The following SRGAP2C variants were observed in gnomAD, a reference collection of about 807,000 sequenced individuals.
SRGAP2C encodes the protein SLIT-ROBO Rho GTPase-activating protein 2C.
A neutral mutation model predicts 25.1 loss-of-function variants in SRGAP2C; 15 were observed. The observed-to-expected ratio is 0.60, with a 90% confidence interval of 0.40 to 0.92. The LOEUF (loss-of-function observed/expected upper bound fraction) is 0.92, where lower values mean the gene tolerates loss of function less well. SRGAP2C is among the 40% of genes least tolerant of loss of function. The probability of loss-of-function intolerance (pLI) is 0.00; values close to 1 mark genes in which losing one functional copy is unlikely to be tolerated. For synonymous variants in SRGAP2C, 44 were observed against 96.6 expected (o/e 0.46, Z 3.19); for missense variants, 144 against 264.4 (o/e 0.54, Z 3.16).
Position 121,388,863 on chromosome 1 carries a change from AATGAT to A in SRGAP2C, c.*1011_*1015del, listed in dbSNP as rs1435299757. On this transcript the variant is annotated 3_prime_UTR_variant, in exon 10 of 10. Coordinates refer to ENST00000367123, the MANE Select transcript of SRGAP2C (RefSeq NM_001329984.2). ...ATCCTAGAGAAAACTGCTAAAAGGG[AATGAT>A]ATATCAGTACTATTCTTCTAAAACA... The A allele has an allele frequency of 2.0e-5, 2 of 98,862 alleles. No homozygotes were observed. The highest frequency in any genetic ancestry group is 4.0e-5 in the Non-Finnish European group (2 of 49,548). The allele number at this position is 98,862 out of a possible 1,614,324, so 6.1% of individuals were successfully genotyped here. A position where few individuals can be genotyped will look rare whatever the true frequency, so the allele number is the denominator to read the frequency against.
At chr1:121,313,489 G>A (rs1325417725) in intron 3 of SRGAP2C, among the ~76,000 whole-genome samples, 1 of 119,976 alleles carries the variant, frequency 8.3e-6, no homozygotes, top group Admixed American at 8.5e-5. Context: ...TGGTGATTTT[G>A]CTCATTAGTT....
At chr1:121,270,746 G>A (rs1250549851) in intron 2 of SRGAP2C, among the ~76,000 whole-genome samples, 9 of 141,776 alleles carry the variant, frequency 6.3e-5, no homozygotes, top group African/African-American at 2.1e-4. Flanking sequence ...TGAAACAATA[G>A]CAGATATAAT....
intron 2 of SRGAP2C, among the ~76,000 whole-genome samples, chr1:121,258,027 TG>T (rs1348487312): frequency 1.3e-5 from 2 of 151,624 alleles, no homozygotes; most frequent in Non-Finnish European, 2.9e-5. Flanking sequence ...GAAAATTGCC[TG>T]GGTTGAAAAG....
At chr1:121,263,362 C>T (rs587753939) in intron 2 of SRGAP2C, among the ~76,000 whole-genome samples, 5 of 132,674 alleles carry the variant, frequency 3.8e-5, no homozygotes, top group African/African-American at 1.1e-4. Flanking sequence ...ACCCGGGAGG[C>T]GGTGCTTGCG....
At chr1:121,345,082 AT>A (rs1558122217) in intron 4 of SRGAP2C, among the ~76,000 whole-genome samples, 1 of 50,374 alleles carries the variant, frequency 2.0e-5, no homozygotes, top group Non-Finnish European at 3.9e-5. Flanking sequence ...TCATGATTGG[AT>A]TCAGTTTAAG....
intron 2 of SRGAP2C, among the ~76,000 whole-genome samples, chr1:121,265,919 A>G (rs1341364413): frequency 4.6e-5 from 7 of 151,628 alleles, no homozygotes; most frequent in South Asian, 2.1e-4. Context: ...CTAGTTGACA[A>G]TTGGGTTTTA....
At chr1:121,339,213 C>CT (rs1364472971) in intron 4 of SRGAP2C, among the ~76,000 whole-genome samples, 18 of 143,972 alleles carry the variant, frequency 1.3e-4, no homozygotes, top group Non-Finnish European at 2.7e-4. Flanking sequence ...TGTCCCATAG[C>CT]TTTTTCATAT....
chr1:121,294,497 A>G (rs1657555483), intron 3 of SRGAP2C, among the ~76,000 whole-genome samples: 1 of 141,142 alleles, frequency 7.1e-6, no homozygotes, highest in African/African-American at 2.6e-5. Context: ...GCATAAATGT[A>G]TTCCTATTTG....
chr1:121,384,779 T>C (rs1208644849), intron 8 of SRGAP2C, among the ~76,000 whole-genome samples: 1 of 151,748 alleles, frequency 6.6e-6, no homozygotes, highest in African/African-American at 2.4e-5. Flanking sequence ...GGAGTGCAGC[T>C]GAAGTGTATT....
At chr1:121,366,808 G>A (rs1407881110) in intron 5 of SRGAP2C, among the ~76,000 whole-genome samples, 1 of 151,408 alleles carries the variant, frequency 6.6e-6, no homozygotes, top group Admixed American at 6.6e-5. Context: ...CTGTTTCTGG[G>A]GAGGGGTAGT....
chr1:121,191,150 T>C (rs1240943529), intron 2 of SRGAP2C, among the ~76,000 whole-genome samples: 1 of 151,682 alleles, frequency 6.6e-6, no homozygotes, highest in African/African-American at 2.4e-5. Flanking sequence ...CAATTTACAT[T>C]ATGCTTTCAT....
intron 3 of SRGAP2C, among the ~76,000 whole-genome samples, chr1:121,291,140 AG>A (rs1372272334): frequency 1.5e-5 from 2 of 129,752 alleles, no homozygotes; most frequent in African/African-American, 2.9e-5. Flanking sequence ...GGGAGTGGAA[AG>A]GAAGTAGGAA....
intron 3 of SRGAP2C, among the ~76,000 whole-genome samples, chr1:121,314,427 G>T (rs1423400462): frequency 6.6e-6 from 1 of 152,272 alleles, no homozygotes; most frequent in South Asian, 2.1e-4. Context: ...CTCTCAGCTC[G>T]TCAAAATCAT....
At chr1:121,357,475 TCTTC>T (rs1553347854) in intron 4 of SRGAP2C, among the ~76,000 whole-genome samples, 1 of 152,100 alleles carries the variant, frequency 6.6e-6, no homozygotes, top group Non-Finnish European at 1.5e-5. Context: ...CTTCATCATT[TCTTC>T]CTTTCTGCTA....
intron 4 of SRGAP2C, among the ~76,000 whole-genome samples, chr1:121,328,001 TG>T (rs1187251097): frequency 6.6e-6 from 1 of 152,240 alleles, no homozygotes. Flanking sequence ...GATCCTACAC[TG>T]GGGGCTTCCT....
chr1:121,357,054 A>C (rs1401338792), intron 4 of SRGAP2C, among the ~76,000 whole-genome samples: 1 of 143,230 alleles, frequency 7.0e-6, no homozygotes, highest in Admixed American at 7.0e-5. Context: ...TCAGGGACCA[A>C]AGTGAGCTTT....
At chr1:121,188,256 C>G (rs1471058367) in intron 2 of SRGAP2C, among the ~76,000 whole-genome samples, 1 of 152,204 alleles carries the variant, frequency 6.6e-6, no homozygotes, top group Non-Finnish European at 1.5e-5. Flanking sequence ...GGAAGACATG[C>G]TTTTAAAGCC....
chr1:121,358,860 G>GA (rs1345494311), intron 4 of SRGAP2C, among the ~76,000 whole-genome samples: 4 of 16,534 alleles, frequency 2.4e-4, no homozygotes, highest in African/African-American at 8.7e-4. Context: ...GCTGGGACAG[G>GA]AAAAAAAATT....
At chr1:121,323,615 CAAAAAAAAAAAA>C (rs1163708332) in intron 3 of SRGAP2C, among the ~76,000 whole-genome samples, 1 of 28,156 alleles carries the variant, frequency 3.6e-5, no homozygotes, top group African/African-American at 1.7e-4. Context: ...GACTTTGTCT[CAAAAAAAAAAAA>C]AAAAAAAAAA....
Sources: allele counts gnomAD v4.1 joint callset (sites outside exome capture counted in the v4.1 genomes callset), GRCh38; gene constraint gnomAD v4.1.1; transcripts MANE v1.5; gene names NCBI Gene and HGNC (gene_info 2026-07-23, HGNC 2026-07-21).